ZNF385D: variants seen among roughly 807,000 people sequenced by gnomAD.
ZNF385D encodes the protein zinc finger protein 385D.
ZNF385D carries 15 observed loss-of-function variants against 35.8 expected under a neutral mutation model. The ratio of observed to expected loss-of-function variants is 0.42; its 90% CI spans 0.28 to 0.64. The LOEUF is 0.64. Ranked by LOEUF, ZNF385D falls within the 30% of genes least tolerant of loss-of-function variation. The pLI, the probability that ZNF385D is intolerant of heterozygous loss-of-function variation, is 0.23. For missense variants in ZNF385D, 474 were observed against 494.6 expected (o/e 0.96, Z 0.39); for synonymous variants, 212 against 186.8 (o/e 1.13, Z -1.10).
chr3:22,305,135 T>G (rs1703134672), intron 2 of ZNF385D, among the ~76,000 whole-genome samples: 1 of 152,108 alleles, frequency 6.6e-6, no homozygotes, highest in South Asian at 2.1e-4. Flanking sequence ...CTTTATTTTT[T>G]GTAATCTCTT....
At chr3:21,577,785 C>T (rs1332853128) in intron 2 of ZNF385D, among the ~76,000 whole-genome samples, 5 of 149,044 alleles carry the variant, frequency 3.4e-5, no homozygotes, top group African/African-American at 1.2e-4. Flanking sequence ...TTTTCATATA[C>T]TTGTTGGCCA....
At chr3:22,022,489 T>G (rs750875743) in intron 3 of ZNF385D, among the ~76,000 whole-genome samples, 13 of 152,078 alleles carry the variant, frequency 8.5e-5, no homozygotes, top group Non-Finnish European at 1.5e-4. Flanking sequence ...AACATACCAC[T>G]CTATGATCCT....
At chr3:21,963,796 G>C (rs897854243) in intron 3 of ZNF385D, among the ~76,000 whole-genome samples, 2 of 152,038 alleles carry the variant, frequency 1.3e-5, no homozygotes, top group Non-Finnish European at 2.9e-5. Flanking sequence ...CAGAATTCTA[G>C]AGATATAAAT....
Position 21,720,366 on chromosome 3 carries a change from C to A in ZNF385D, c.22+30529G>T, listed in dbSNP as rs544972351. Reference sequence around the variant, plus strand: ...CCCAGAAGTTCTAAACCAGCCTGGGCAACATCGTGAGACCCTAGTCTCTAC... The same window carrying A: ...CCCAGAAGTTCTAAACCAGCCTGGGAAACATCGTGAGACCCTAGTCTCTAC... On this transcript the variant is annotated intron_variant, in intron 1 of 7. Transcript: ENST00000281523. Among the ~76,000 whole-genome samples the A allele has an allele frequency of 2.6e-5, 4 of 152,288 alleles. No individual in the cohort carries two copies. In the East Asian group the frequency reaches 5.8e-4, roughly 22 times the overall value.
intron 2 of ZNF385D, among the ~76,000 whole-genome samples, chr3:21,586,221 G>A (rs2063807477): frequency 6.6e-6 from 1 of 152,000 alleles, no homozygotes. Flanking sequence ...GGAAAAAAAA[G>A]AAAGTATGTT....
intron 1 of ZNF385D, among the ~76,000 whole-genome samples, chr3:21,740,475 G>A (rs773687664): frequency 6.6e-6 from 1 of 152,116 alleles, no homozygotes; most frequent in African/African-American, 2.4e-5. Flanking sequence ...CTATATTACT[G>A]TGATCCTGAA....
At chr3:21,800,105 C>G (rs2072328787) in intron 3 of ZNF385D, among the ~76,000 whole-genome samples, 1 of 152,138 alleles carries the variant, frequency 6.6e-6, no homozygotes, top group East Asian at 1.9e-4. Context: ...TATCTCTATG[C>G]CTAGCCTATG....
chr3:21,910,220 T>C (rs1346417650), intron 3 of ZNF385D, among the ~76,000 whole-genome samples: 1 of 151,996 alleles, frequency 6.6e-6, no homozygotes, highest in East Asian at 1.9e-4. Flanking sequence ...CACTGTTTAG[T>C]ACATTGTTGT....
upstream of ZNF385D, chr3:21,751,211 G>C: frequency 1.5e-6 from 2 of 1,325,570 alleles, no homozygotes; most frequent in Non-Finnish European, 9.7e-7. Context: ...CATCAGGACT[G>C]AGAGTACTAC....
intron 2 of ZNF385D, among the ~76,000 whole-genome samples, chr3:22,290,054 T>C (rs925675887): frequency 5.3e-5 from 8 of 152,190 alleles, no homozygotes; most frequent in Non-Finnish European, 7.3e-5. Context: ...TGATCATGCC[T>C]ATATAGAACT....
intron 3 of ZNF385D, among the ~76,000 whole-genome samples, chr3:22,125,367 T>G (rs1703365796): frequency 6.6e-6 from 1 of 152,112 alleles, no homozygotes; most frequent in Admixed American, 6.6e-5. Flanking sequence ...AGTTTTGCTC[T>G]TTTTGCTAAG....
chr3:21,537,776 G>A (rs145494295), intron 3 of ZNF385D, among the ~76,000 whole-genome samples: 182 of 152,168 alleles, frequency 1.2e-3, no homozygotes, highest in African/African-American at 4.3e-3. Flanking sequence ...ATAGAGCTGC[G>A]TGGCCTATGA....
chr3:22,030,512 G>C (rs1336924103), intron 3 of ZNF385D, among the ~76,000 whole-genome samples: 2 of 151,194 alleles, frequency 1.3e-5, no homozygotes, highest in Non-Finnish European at 3.0e-5. Flanking sequence ...AGAGTGCACA[G>C]AGGAAACTGT....
chr3:21,803,198 C>T (rs73820142), intron 3 of ZNF385D, among the ~76,000 whole-genome samples: 21,494 of 152,028 alleles, frequency 0.14, 1,945 homozygotes, highest in African/African-American at 0.25. Flanking sequence ...TAAGGGTAGT[C>T]ATCACAGAGA....
Position 22,217,565 on chromosome 3 carries a change from C to A in ZNF385D, c.107-48530G>T, listed in dbSNP as rs183382112. On this transcript the variant is annotated intron_variant, in intron 2 of 5. Transcript: ENST00000494108. ...GGATGTTGGGACTTTAACACATGAG[C>A]TTTTATGGGATATAATTGAATCTGT... Among the ~76,000 whole-genome samples the A allele has an allele frequency of 6.8e-4, 104 of 152,128 alleles. 1 individual carries two copies. Among genetic ancestry groups the A allele is most frequent in the African/African-American group, 2.4e-3 (98 of 41,524 alleles).
intron 2 of ZNF385D, among the ~76,000 whole-genome samples, chr3:22,209,093 A>ATTC (rs1444371140): frequency 6.6e-6 from 1 of 151,944 alleles, no homozygotes; most frequent in Non-Finnish European, 1.5e-5. Flanking sequence ...CCATAAAGGC[A>ATTC]TTCTGCTCCT....
intron 2 of ZNF385D, among the ~76,000 whole-genome samples, chr3:22,191,184 T>C (rs1476366607): frequency 6.6e-6 from 1 of 152,058 alleles, no homozygotes; most frequent in Non-Finnish European, 1.5e-5. Flanking sequence ...TAGTGTGCCA[T>C]ATTGACCTTA....
At chr3:21,440,728 T>G (rs556950238) in intron 4 of ZNF385D, among the ~76,000 whole-genome samples, 4 of 152,290 alleles carry the variant, frequency 2.6e-5, no homozygotes, top group Admixed American at 1.3e-4. Flanking sequence ...AATCTAAAAC[T>G]ATTCTAGAGT....
intron 1 of ZNF385D, among the ~76,000 whole-genome samples, chr3:21,721,245 C>T (rs1425586388): frequency 6.6e-6 from 1 of 152,098 alleles, no homozygotes; most frequent in Admixed American, 6.5e-5. Flanking sequence ...ACTCAGGAAC[C>T]AGTCAGTCCA....
Sources: allele counts gnomAD v4.1 joint callset (sites outside exome capture counted in the v4.1 genomes callset), GRCh38; gene constraint gnomAD v4.1.1; transcripts MANE v1.5; gene names NCBI Gene and HGNC (gene_info 2026-07-23, HGNC 2026-07-21).